The following ASB5 variants were observed in gnomAD, a reference collection of about 807,000 sequenced individuals.
ASB5 encodes ankyrin repeat and SOCS box protein 5.
A neutral mutation model predicts 42.1 loss-of-function variants in ASB5; 45 were observed. The ratio of observed to expected loss-of-function variants is 1.07; its 90% CI spans 0.84 to 1.37. The LOEUF is 1.37. Ranked by LOEUF, ASB5 falls within the 40% of genes most tolerant of loss-of-function variation. The probability of loss-of-function intolerance (pLI) is 0.00; values close to 1 mark genes in which losing one functional copy is unlikely to be tolerated. For synonymous variants in ASB5, 147 were observed against 150.6 expected, an observed-to-expected ratio of 0.98 and a Z score of 0.18; for missense variants, 402 against 399.8, an observed-to-expected ratio of 1.01 and a Z score of -0.05.
At chr4:176,277,341 A>G (rs559564879) in exon 1 of ASB5, 1 of 152,364 alleles carries the variant, frequency 6.6e-6, no homozygotes, top group South Asian at 2.1e-4. Flanking sequence ...AGGGCACACA[A>G]CAGTGTGGGG....
chr4:176,271,255 A>G (rs1368368527), upstream of ASB5, among the ~76,000 whole-genome samples: 1 of 152,232 alleles, frequency 6.6e-6, no homozygotes, highest in Non-Finnish European at 1.5e-5. Flanking sequence ...AATAAAAATT[A>G]AGCCCAAATA....
rs1458578478 is a variant in ASB5, at chr4:176,214,907, A to G, written c.*693T>C. 2 of 152,058 alleles carry G rather than the reference A, an allele frequency of 1.3e-5. No homozygotes were observed. The highest frequency in any genetic ancestry group is 6.6e-5 in the Admixed American group (1 of 15,252). 9.4% of individuals were successfully genotyped at this position (152,058 alleles called of 1,614,324 possible). The stretch of plus-strand genomic sequence containing the variant: ...GGAGGCAGTCTTAACATAGCCTTAG[A>G]AGGTGTGTAATGTTCTAAATATCTC... On this transcript the variant is annotated 3_prime_UTR_variant, in exon 7 of 7. Transcript: ENST00000296525.
At chr4:176,237,499 A>G in intron 1 of ASB5, 1 of 985,744 alleles carries the variant, frequency 1.0e-6, no homozygotes, top group Non-Finnish European at 1.2e-6. Flanking sequence ...CAGCGTCTGG[A>G]TTTCTAACTA....
intron 1 of ASB5, among the ~76,000 whole-genome samples, chr4:176,268,246 A>G (rs559219437): frequency 1.3e-5 from 2 of 152,306 alleles, no homozygotes; most frequent in South Asian, 4.1e-4. Context: ...GTTTCATACT[A>G]CAATTTCTTC....
chr4:176,255,383 CTG>C (rs1314654439), intron 1 of ASB5, among the ~76,000 whole-genome samples: 2 of 152,106 alleles, frequency 1.3e-5, no homozygotes, highest in African/African-American at 2.4e-5. Flanking sequence ...CTAAAAGAAA[CTG>C]TTCTAACAAA....
At chr4:176,240,989 T>C (rs1286225322) in intron 1 of ASB5, among the ~76,000 whole-genome samples, 2 of 152,228 alleles carry the variant, frequency 1.3e-5, no homozygotes, top group African/African-American at 4.8e-5. Context: ...GTGTCAACAA[T>C]TATCAACTTA....
At chr4:176,216,427 T>G (rs1415913359) in intron 6 of ASB5, among the ~76,000 whole-genome samples, 1 of 152,192 alleles carries the variant, frequency 6.6e-6, no homozygotes, top group Non-Finnish European at 1.5e-5. Context: ...CCTGGCTCAC[T>G]GCAACCTCCG....
intron 2 of ASB5, 83 bp downstream of exon 2, chr4:176,225,179 T>C: frequency 8.9e-7 from 1 of 1,129,380 alleles, no homozygotes; most frequent in Non-Finnish European, 1.3e-6. Flanking sequence ...TAAGTGGTTT[T>C]ATCATATTTG....
intron 1 of ASB5, among the ~76,000 whole-genome samples, chr4:176,230,094 T>C (rs1753489527): frequency 6.6e-6 from 1 of 152,064 alleles, no homozygotes; most frequent in Non-Finnish European, 1.5e-5. Context: ...CCTCATCAAA[T>C]GAGAAAAGCA....
At chr4:176,226,641 A>C (rs1344361157) in intron 1 of ASB5, among the ~76,000 whole-genome samples, 1 of 152,270 alleles carries the variant, frequency 6.6e-6, no homozygotes, top group South Asian at 2.1e-4. Context: ...GACAGAGAAA[A>C]AGAGAATTAA....
At chr4:176,269,375 G>A (rs1263199835), upstream of ASB5, among the ~76,000 whole-genome samples, 3 of 152,222 alleles carry the variant, frequency 2.0e-5, no homozygotes, top group East Asian at 5.8e-4. Flanking sequence ...CCACCTCTGT[G>A]CTCCAAATTT....
At chr4:176,261,849 T>C (rs1754273115) in intron 1 of ASB5, among the ~76,000 whole-genome samples, 1 of 152,008 alleles carries the variant, frequency 6.6e-6, no homozygotes, top group African/African-American at 2.4e-5. Context: ...TACTCATATA[T>C]CACACATGGC....
intron 1 of ASB5, among the ~76,000 whole-genome samples, chr4:176,262,218 A>G (rs1245643735): frequency 1.3e-5 from 2 of 152,206 alleles, no homozygotes; most frequent in African/African-American, 2.4e-5. Flanking sequence ...CGTTGACAAT[A>G]TCAACGTCCC....
chr4:176,226,103 G>T (rs1753372059), intron 1 of ASB5, among the ~76,000 whole-genome samples: 2 of 152,236 alleles, frequency 1.3e-5, no homozygotes, highest in Non-Finnish European at 2.9e-5. Context: ...TAGAGAATGG[G>T]TAAAGCATTG....
rs577784397 is a variant in ASB5 at position 176,235,212 on chromosome 4, G to A, written c.197-9871C>T. 2.0e-3 allele frequency among the ~76,000 whole-genome samples: 311 copies of A among 152,178 alleles called. 1 individual carries two copies. Among genetic ancestry groups the A allele is most frequent in the African/African-American group, 6.9e-3 (286 of 41,528 alleles). On this transcript the variant is annotated intron_variant, in intron 1 of 6. Transcript: ENST00000296525. ...TTTTCTACATTTTCATATAATAATA[G>A]TATATTTGAAATAGTAGCAAAACAC...
chr4:176,220,889 A>C lies in ASB5; in HGVS notation c.670+266T>G, dbSNP rs186574469. On this transcript the variant is annotated intron_variant, in intron 5 of 6. Transcript: ENST00000296525. ...AGCTTTCAGAATCCATTACATACCC[A>C]AATGTCTGCTAATGCAGTGCATGCA... Among the ~76,000 whole-genome samples, 60 of 152,318 alleles carry C rather than the reference A, an allele frequency of 3.9e-4. 1 individual carries two copies. The highest frequency in any genetic ancestry group is 1.4e-3 in the African/African-American group (59 of 41,562).
chr4:176,254,724 T>A (rs1482164537), intron 1 of ASB5, among the ~76,000 whole-genome samples: 1 of 151,884 alleles, frequency 6.6e-6, no homozygotes, highest in Non-Finnish European at 1.5e-5. Context: ...ATAACCTCAT[T>A]AGAAAATGGG....
chr4:176,238,037 C>T (rs1753727996), intron 1 of ASB5, among the ~76,000 whole-genome samples: 1 of 152,042 alleles, frequency 6.6e-6, no homozygotes, highest in African/African-American at 2.4e-5. Flanking sequence ...GCCTGGCCAA[C>T]GTGGTGAAAC....
chr4:176,237,463 G>C, intron 1 of ASB5: 1 of 985,868 alleles, frequency 1.0e-6, no homozygotes, highest in Non-Finnish European at 1.2e-6. Flanking sequence ...TGTCATAAGT[G>C]CAAATGCTCT....
Sources: allele counts gnomAD v4.1 joint callset (sites outside exome capture counted in the v4.1 genomes callset), GRCh38; gene constraint gnomAD v4.1.1; transcripts MANE v1.5; gene names NCBI Gene and HGNC (gene_info 2026-07-23, HGNC 2026-07-21).